The following MSI2 variants were observed in gnomAD, a reference collection of about 807,000 sequenced individuals.
The protein encoded by MSI2 is musashi RNA binding protein 2, also known as RNA-binding protein Musashi homolog 2.
In MSI2, 17 loss-of-function variants were observed where a neutral mutation model predicts 45.6. The ratio of observed to expected loss-of-function variants is 0.37; its 90% CI spans 0.26 to 0.56. MSI2 has a LOEUF of 0.56. MSI2 is among the 20% of genes least tolerant of loss of function. MSI2 has a pLI of 0.77. For synonymous variants in MSI2, 156 were observed against 158.2 expected (o/e 0.99, Z 0.11); for missense variants, 293 against 444.2 (o/e 0.66, Z 3.06).
chr17:57,357,618 C>T (rs1011219029), intron 5 of MSI2, among the ~76,000 whole-genome samples: 23 of 152,268 alleles, frequency 1.5e-4, no homozygotes, highest in South Asian at 1.0e-3. Flanking sequence ...GTGGGAGCTG[C>T]GCCACCAGCT....
At chr17:57,325,788 G>A (rs1913738483) in intron 5 of MSI2, among the ~76,000 whole-genome samples, 1 of 152,128 alleles carries the variant, frequency 6.6e-6, no homozygotes. Context: ...TTCTTAAGGG[G>A]CTCCCATACG....
chr17:57,328,828 G>T lies in MSI2; in HGVS notation c.312+66636G>T, dbSNP rs528748904. Among the ~76,000 whole-genome samples, 78 of 152,140 alleles carry T rather than the reference G, an allele frequency of 5.1e-4. 1 individual carries two copies. The South Asian group carries it at 0.016, about 30-fold the overall frequency. On this transcript the variant is annotated intron_variant, in intron 5 of 13. Coordinates refer to ENST00000284073, the MANE Select transcript of MSI2 (RefSeq NM_138962.4). ...GGTTAAAGTTTGTGTGTTTGGTTTG[G>T]GTTGGGTTTGGTGGAGGGGGACTTT...
intron 11 of MSI2, among the ~76,000 whole-genome samples, chr17:57,668,862 G>A (rs62058158): frequency 0.079 from 12,008 of 152,136 alleles, 653 homozygotes; most frequent in Non-Finnish European, 0.11. Context: ...AAACTACATT[G>A]TGTATAAAAT....
intron 5 of MSI2, among the ~76,000 whole-genome samples, chr17:57,283,847 C>T (rs1363602666): frequency 6.6e-6 from 1 of 152,210 alleles, no homozygotes; most frequent in Non-Finnish European, 1.5e-5. Flanking sequence ...GTGTCCCAGG[C>T]TTGGAGCAGA....
At position 57,331,116 on chromosome 17, in the gene MSI2, G is replaced by A. The variant is rs141651041; in HGVS notation, c.312+68924G>A. 6.7e-3 allele frequency among the ~76,000 whole-genome samples: 1,016 copies of A among 152,122 alleles called. 9 individuals carry two copies. The highest frequency in any genetic ancestry group is 0.022 in the African/African-American group (921 of 41,482). ...TTTAGTAGAGACAGGGTTTTACCAC[G>A]TTGGCCAGGCTGGTCTCGAACTCCT... On this transcript the variant is annotated intron_variant, in intron 5 of 13. Coordinates refer to ENST00000284073, the MANE Select transcript of MSI2 (RefSeq NM_138962.4).
chr17:57,586,099 A>T (rs2088339292), intron 7 of MSI2, among the ~76,000 whole-genome samples: 1 of 152,250 alleles, frequency 6.6e-6, no homozygotes, highest in South Asian at 2.1e-4. Context: ...ACCACGCACA[A>T]AAAATAGGTT....
chr17:57,555,902 G>A (rs1431126055), intron 7 of MSI2, among the ~76,000 whole-genome samples: 1 of 152,182 alleles, frequency 6.6e-6, no homozygotes, highest in Non-Finnish European at 1.5e-5. Context: ...CCTACAGCCA[G>A]GACAGGCTGC....
At chr17:57,604,374 T>C (rs1259344447) in intron 8 of MSI2, among the ~76,000 whole-genome samples, 3 of 151,982 alleles carry the variant, frequency 2.0e-5, no homozygotes, top group Non-Finnish European at 4.4e-5. Flanking sequence ...GGTAAGGAGG[T>C]CCTCAGCAGA....
chr17:57,594,680 AG>A (rs1470661844), intron 7 of MSI2, among the ~76,000 whole-genome samples: 1 of 152,158 alleles, frequency 6.6e-6, no homozygotes, highest in East Asian at 1.9e-4. Context: ...TTTAGGGGGT[AG>A]GGGGTATAAA....
intron 7 of MSI2, among the ~76,000 whole-genome samples, chr17:57,530,919 T>C (rs72833074): frequency 0.1 from 15,292 of 151,346 alleles, 971 homozygotes; most frequent in Non-Finnish European, 0.15. Context: ...GAATGGAGCA[T>C]TGGGTGCACA....
At chr17:57,286,062 CT>C in intron 5 of MSI2, 1 of 1,119,804 alleles carries the variant, frequency 8.9e-7, no homozygotes. Context: ...CTCTTTCTGT[CT>C]TTCCCTCCCT....
intron 10 of MSI2, among the ~76,000 whole-genome samples, chr17:57,641,044 G>A (rs1910215722): frequency 6.6e-6 from 1 of 152,178 alleles, no homozygotes; most frequent in Admixed American, 6.5e-5. Flanking sequence ...GCTGGTAAAT[G>A]GCTGCTGCCC....
intron 11 of MSI2, among the ~76,000 whole-genome samples, chr17:57,668,034 A>C (rs1598509240): frequency 1.3e-5 from 2 of 152,326 alleles, no homozygotes; most frequent in South Asian, 4.1e-4. Flanking sequence ...CCCTGTCTCT[A>C]CTAAAAATAC....
At chr17:57,576,366 T>C (rs2088047054) in intron 7 of MSI2, among the ~76,000 whole-genome samples, 1 of 152,234 alleles carries the variant, frequency 6.6e-6, no homozygotes, top group South Asian at 2.1e-4. Context: ...GATTCTTTCA[T>C]ATAGAAGGTA....
At chr17:57,518,130 T>C (rs886747934) in intron 6 of MSI2, among the ~76,000 whole-genome samples, 20 of 152,218 alleles carry the variant, frequency 1.3e-4, no homozygotes, top group Non-Finnish European at 2.8e-4. Flanking sequence ...TCCTGAAAGC[T>C]GATGCCCTCA....
chr17:57,679,696 A>C lies in MSI2; in HGVS notation c.*179A>C. Reference sequence around the variant, plus strand: ...TCGGATCGAGGGTTGACTACATCTCATCATCTCACGAATCTGCTGTAATAT... The same window carrying C: ...TCGGATCGAGGGTTGACTACATCTCCTCATCTCACGAATCTGCTGTAATAT... On this transcript the variant is annotated 3_prime_UTR_variant, in exon 14 of 14. Transcript: ENST00000284073. The C allele has an allele frequency of 9.0e-4, 619 of 689,300 alleles. No homozygotes were observed. The highest frequency in any genetic ancestry group is 1.2e-3 in the Middle Eastern group (2 of 1,684). The allele number at this position is 689,300 out of a possible 1,614,324, so 42.7% of individuals were successfully genotyped here.
the MSI2 span, among the ~76,000 whole-genome samples, chr17:57,698,171 C>T: frequency 2.6e-5 from 4 of 152,240 alleles, no homozygotes; most frequent in Admixed American, 6.5e-5. Flanking sequence ...CTGGACCAGC[C>T]TCTTAGGCTG....
chr17:57,594,182 G>A (rs1020548733), intron 7 of MSI2, among the ~76,000 whole-genome samples: 10 of 152,230 alleles, frequency 6.6e-5, no homozygotes, highest in East Asian at 3.8e-4. Flanking sequence ...CTTGCAGGGC[G>A]CTCTGGCTTG....
At chr17:57,443,708 G>C (rs1236369329) in intron 6 of MSI2, among the ~76,000 whole-genome samples, 1 of 152,146 alleles carries the variant, frequency 6.6e-6, no homozygotes. Flanking sequence ...CAGGGGGTCA[G>C]CCTGAACCGT....
Sources: allele counts gnomAD v4.1 joint callset (sites outside exome capture counted in the v4.1 genomes callset), GRCh38; gene constraint gnomAD v4.1.1; transcripts MANE v1.5; gene names NCBI Gene and HGNC (gene_info 2026-07-23, HGNC 2026-07-21).